TATDN1: variants seen among roughly 807,000 people sequenced by gnomAD.
TATDN1 encodes TatD DNase domain containing 1.
In TATDN1, 40 loss-of-function variants were observed where a neutral mutation model predicts 46.4. The observed-to-expected ratio is 0.86, with a 90% CI of 0.67 to 1.12. The LOEUF (loss-of-function observed/expected upper bound fraction) is 1.12, where lower values mean the gene tolerates loss of function less well. Among genes scored for constraint, TATDN1 ranks in the 50% most tolerant of loss-of-function variants. The pLI is 0.00. For synonymous variants in TATDN1, 95 were observed against 105.6 expected (o/e 0.90, Z 0.62); for missense variants, 326 against 348.4 (o/e 0.94, Z 0.51).
intron 1 of TATDN1, among the ~76,000 whole-genome samples, chr8:124,534,178 A>AAAAAAAAAT (rs1371572443): frequency 6.9e-6 from 1 of 144,724 alleles, no homozygotes; most frequent in East Asian, 2.0e-4. Flanking sequence ...AAAAAAAAAA[A>AAAAAAAAAT]AGAAATGCGC....
At chr8:124,499,477 T>C (rs1435600216) in intron 9 of TATDN1, among the ~76,000 whole-genome samples, 1 of 152,196 alleles carries the variant, frequency 6.6e-6, no homozygotes, top group Non-Finnish European at 1.5e-5. Context: ...AGTATTTCTA[T>C]TTAATAAGGC....
chr8:124,506,823 A>G (rs1818479912), intron 8 of TATDN1, among the ~76,000 whole-genome samples: 1 of 149,956 alleles, frequency 6.7e-6, no homozygotes, highest in Non-Finnish European at 1.5e-5. Flanking sequence ...TGTATATCTG[A>G]GCATTTTTCT....
intron 6 of TATDN1, 37 bp downstream of exon 6, chr8:124,515,709 T>C: frequency 6.3e-7 from 1 of 1,584,494 alleles, no homozygotes; most frequent in Non-Finnish European, 8.7e-7. Flanking sequence ...TCACTCATGA[T>C]TTTACAATAA....
chr8:124,526,578 T>C (rs1483489819), intron 1 of TATDN1: 1 of 152,248 alleles, frequency 6.6e-6, no homozygotes, highest in African/African-American at 2.4e-5. Flanking sequence ...GATTCATACA[T>C]TCAGTAGCAT....
intron 2 of TATDN1, among the ~76,000 whole-genome samples, 179 bp downstream of exon 2, chr8:124,522,758 T>C (rs1306824509): frequency 6.6e-6 from 1 of 152,168 alleles, no homozygotes; most frequent in African/African-American, 2.4e-5. Flanking sequence ...GCGGATTATG[T>C]TGCCCAGGCT....
intron 8 of TATDN1, among the ~76,000 whole-genome samples, chr8:124,506,221 G>A (rs1818402050): frequency 6.6e-6 from 1 of 150,684 alleles, no homozygotes; most frequent in South Asian, 2.1e-4. Flanking sequence ...TGTAGCCCCA[G>A]CTACTCGGGA....
chr8:124,522,308 A>C (rs1820119089), intron 2 of TATDN1, 108 bp from the exon 3 acceptor site: 1 of 727,474 alleles, frequency 1.4e-6, no homozygotes, highest in African/African-American at 1.8e-5. Context: ...TGAAATTATA[A>C]ACTTCTACAG....
chr8:124,502,281 C>G (rs566542451), intron 9 of TATDN1, among the ~76,000 whole-genome samples: 2 of 148,658 alleles, frequency 1.3e-5, no homozygotes, highest in East Asian at 4.0e-4. Flanking sequence ...GCGGAGCCTG[C>G]AGTGAGCCAA....
At chr8:124,494,799 A>G (rs1269366112) in intron 10 of TATDN1, 1 of 150,542 alleles carries the variant, frequency 6.6e-6, no homozygotes, top group Non-Finnish European at 1.5e-5. Context: ...CTTGGCTCAC[A>G]GCAACCTCTG....
chr8:124,522,358 G>C (rs1820122724), intron 2 of TATDN1, among the ~76,000 whole-genome samples, 158 bp from the exon 3 acceptor site: 1 of 152,084 alleles, frequency 6.6e-6, no homozygotes, highest in African/African-American at 2.4e-5. Context: ...AAATGTTCAT[G>C]ATCATGGTTT....
intron 4 of TATDN1, among the ~76,000 whole-genome samples, chr8:124,518,515 C>T (rs1819724996): frequency 6.9e-6 from 1 of 144,658 alleles, no homozygotes; most frequent in South Asian, 2.3e-4. Flanking sequence ...CAGAGTGAGA[C>T]TCCGTCTCAA....
At chr8:124,529,818 G>T (rs1003081300) in intron 1 of TATDN1, among the ~76,000 whole-genome samples, 9 of 152,196 alleles carry the variant, frequency 5.9e-5, no homozygotes, top group Non-Finnish European at 1.3e-4. Context: ...TAGGCCGGGT[G>T]CAGTGGCTCA....
intron 11 of TATDN1, among the ~76,000 whole-genome samples, chr8:124,492,132 G>A (rs1185020078): frequency 5.3e-5 from 8 of 152,030 alleles, no homozygotes; most frequent in Non-Finnish European, 7.4e-5. Context: ...CCGCCATGAC[G>A]CCTGGCTAAT....
In TATDN1 at chr8:124,518,622, A is replaced by C. The variant is rs942777507; in HGVS notation, c.202+196T>G. 3 of 546,792 alleles carry C rather than the reference A, an allele frequency of 5.5e-6. No individual in the cohort carries two copies. In the South Asian group the frequency reaches 7.1e-5, roughly 13 times the overall value. 33.9% of individuals were successfully genotyped at this position (546,792 alleles called of 1,614,324 possible). A position where few individuals can be genotyped will look rare whatever the true frequency, so the allele number is the denominator to read the frequency against. ...AAAATAATCTTCATTGAGCAGTATG[A>C]AACAGTTTTATAAACATCTGATATA... is the stretch of plus-strand genomic sequence containing the variant. On this transcript the variant is annotated intron_variant, in intron 4 of 11. Coordinates refer to ENST00000276692, the MANE Select transcript of TATDN1 (RefSeq NM_032026.4).
chr8:124,537,886 T>G (rs188723019), intron 1 of TATDN1, among the ~76,000 whole-genome samples: 1 of 152,134 alleles, frequency 6.6e-6, no homozygotes, highest in African/African-American at 2.4e-5. Flanking sequence ...GTCTTAGGTC[T>G]CCAGTCTGAA....
At chr8:124,494,873 C>T in intron 10 of TATDN1, 1 of 152,502 alleles carries the variant, frequency 6.6e-6, no homozygotes, top group Non-Finnish European at 1.5e-5. Context: ...CAGGCATGTG[C>T]CACCATGCCC....
At chr8:124,506,892 G>A (rs926848227) in intron 8 of TATDN1, among the ~76,000 whole-genome samples, 47 of 152,172 alleles carry the variant, frequency 3.1e-4, no homozygotes, top group African/African-American at 1.1e-3. Flanking sequence ...GCTGGGCAAG[G>A]TGGCTCATGC....
intron 1 of TATDN1, among the ~76,000 whole-genome samples, chr8:124,537,153 A>C (rs541877036): frequency 1.3e-5 from 2 of 152,172 alleles, no homozygotes; most frequent in Non-Finnish European, 2.9e-5. Flanking sequence ...CTTAGCACTA[A>C]AGCCACTCAT....
At chr8:124,497,021 T>C (rs1817523345) in intron 9 of TATDN1, among the ~76,000 whole-genome samples, 1 of 152,226 alleles carries the variant, frequency 6.6e-6, no homozygotes, top group African/African-American at 2.4e-5. Context: ...AATCTTCTAG[T>C]ATTCAAATTT....
Sources: allele counts gnomAD v4.1 joint callset (sites outside exome capture counted in the v4.1 genomes callset), GRCh38; gene constraint gnomAD v4.1.1; transcripts MANE v1.5; gene names NCBI Gene and HGNC (gene_info 2026-07-23, HGNC 2026-07-21).